The following DENR variants were observed in gnomAD, a reference collection of about 807,000 sequenced individuals.
DENR encodes density-regulated protein.
In DENR, 6 loss-of-function variants were observed where a neutral mutation model predicts 30.6. That is an observed-to-expected ratio of 0.20 (90% CI 0.11 to 0.39). DENR has a LOEUF of 0.39. Among genes scored for constraint, DENR ranks in the 10% least tolerant of loss-of-function variants. DENR has a pLI of 1.00. For missense variants in DENR, 141 were observed against 230.9 expected (o/e 0.61, Z 2.52); for synonymous variants, 78 against 72.1 (o/e 1.08, Z -0.41).
intron 2 of DENR, among the ~76,000 whole-genome samples, chr12:122,757,442 A>C (rs1878579944): frequency 6.6e-6 from 1 of 152,246 alleles, no homozygotes; most frequent in South Asian, 2.1e-4. Flanking sequence ...AGAATAAAGA[A>C]CCAACCAGTT....
chr12:122,762,108 T>C (rs1248103427), intron 2 of DENR, 79 bp from the exon 3 acceptor site: 2 of 949,416 alleles, frequency 2.1e-6, no homozygotes, highest in Non-Finnish European at 3.0e-6. Context: ...TTCTCAAATA[T>C]AAAAGTAAGG....
At chr12:122,766,405 C>G (rs1878851083) in intron 5 of DENR, among the ~76,000 whole-genome samples, 1 of 152,158 alleles carries the variant, frequency 6.6e-6, no homozygotes, top group South Asian at 2.1e-4. Flanking sequence ...TTCCAGGATT[C>G]TGTCCTAGGC....
chr12:122,754,011 A>C, intron 2 of DENR: 2 of 594,904 alleles, frequency 3.4e-6, no homozygotes, highest in Non-Finnish European at 6.1e-6. Context: ...CTGCCTGAAG[A>C]AGCTTACAGT....
intron 2 of DENR, among the ~76,000 whole-genome samples, chr12:122,761,413 GA>G (rs1281591419): frequency 2.8e-4 from 39 of 141,178 alleles, no homozygotes; most frequent in Middle Eastern, 3.6e-3. Context: ...CTCTGTCTCA[GA>G]AAAAAAAAAA....
At chr12:122,762,071 A>C in intron 2 of DENR, 116 bp from the exon 3 acceptor site, 1 of 667,422 alleles carries the variant, frequency 1.5e-6, no homozygotes, top group Non-Finnish European at 2.3e-6. Context: ...TAGAAAACTT[A>C]TAGGGAAAAT....
chr12:122,764,239 G>A (rs1878784409), intron 4 of DENR, among the ~76,000 whole-genome samples: 1 of 152,164 alleles, frequency 6.6e-6, no homozygotes, highest in Non-Finnish European at 1.5e-5. Context: ...GCTCTTGGAG[G>A]AGTTTAAGCA....
chr12:122,766,472 TCTG>T (rs1394506598), intron 5 of DENR, among the ~76,000 whole-genome samples: 2 of 152,226 alleles, frequency 1.3e-5, no homozygotes, highest in East Asian at 1.9e-4. Flanking sequence ...ATCCCTAACT[TCTG>T]CTGCCCAGTA....
At chr12:122,760,914 A>G (rs1878681733) in intron 2 of DENR, among the ~76,000 whole-genome samples, 1 of 152,144 alleles carries the variant, frequency 6.6e-6, no homozygotes, top group Admixed American at 6.6e-5. Flanking sequence ...GCATAACATG[A>G]AAAAGCCTTG....
At chr12:122,767,312 T>C (rs1878876198) in intron 5 of DENR, among the ~76,000 whole-genome samples, 176 bp from the exon 6 acceptor site, 1 of 152,256 alleles carries the variant, frequency 6.6e-6, no homozygotes, top group South Asian at 2.1e-4. Context: ...CTTAGCCCAG[T>C]GCTAGGCACA....
rs535879853 is a variant in DENR, at chr12:122,757,375, T to C, written c.106+3568T>C. On this transcript the variant is annotated intron_variant, in intron 2 of 7. Coordinates refer to ENST00000280557, the MANE Select transcript of DENR (RefSeq NM_003677.5). ...AGCTTAACTGGGAAGACAAACATTT[T>C]AACAGGTGAGTTATAATGTACTAAT... 2.0e-5 allele frequency among the ~76,000 whole-genome samples: 3 copies of C among 152,330 alleles called. No individual in the cohort carries two copies. The South Asian group carries it at 6.2e-4, about 32-fold the overall frequency.
At position 122,761,413 on chromosome 12, in the gene DENR, G is replaced by GA. The variant is rs1281591419; in HGVS notation, c.107-763dup. Reference sequence around the variant, plus strand: ...GCAGAAAGAGCAAGACTCTGTCTCAGAAAAAAAAAAAGGAAAAATATATTG... The same window carrying GA: ...GCAGAAAGAGCAAGACTCTGTCTCAGAAAAAAAAAAAAGGAAAAATATATTG... On this transcript the variant is annotated intron_variant, in intron 2 of 7. Coordinates refer to ENST00000280557, the MANE Select transcript of DENR (RefSeq NM_003677.5). Among the ~76,000 whole-genome samples the GA allele has an allele frequency of 4.3e-4, 61 of 141,154 alleles. No individual in the cohort carries two copies. The Middle Eastern group carries it at 0.018, about 42-fold the overall frequency. 92.6% of individuals were successfully genotyped at this position (141,154 alleles called of 152,430 possible).
At chr12:122,768,589 C>T (rs1201692892) in intron 6 of DENR, among the ~76,000 whole-genome samples, 193 bp from the exon 7 acceptor site, 2 of 151,818 alleles carry the variant, frequency 1.3e-5, no homozygotes, top group African/African-American at 2.4e-5. Context: ...ATGTATTGAG[C>T]CTTTATTTGA....
At chr12:122,758,244 G>T (rs1292710449) in intron 2 of DENR, among the ~76,000 whole-genome samples, 1 of 152,100 alleles carries the variant, frequency 6.6e-6, no homozygotes, top group African/African-American at 2.4e-5. Context: ...GCTGATTTTT[G>T]TATTTTTAGT....
intron 2 of DENR, among the ~76,000 whole-genome samples, chr12:122,758,332 A>G (rs1420575063): frequency 6.6e-6 from 1 of 152,034 alleles, no homozygotes; most frequent in African/African-American, 2.4e-5. Context: ...GGCCTCCCAA[A>G]GTGTTGGGAT....
At chr12:122,762,823 C>A in intron 3 of DENR, 22 bp from the exon 4 acceptor site, 1 of 1,446,802 alleles carries the variant, frequency 6.9e-7, no homozygotes, top group South Asian at 1.3e-5. Context: ...TGTTGTGACT[C>A]AGTTCTTTTT....
intron 5 of DENR, 92 bp downstream of exon 5, chr12:122,765,479 C>T (rs990824299): frequency 1.7e-5 from 20 of 1,146,584 alleles, no homozygotes; most frequent in African/African-American, 4.7e-5. Context: ...AAGCTAGGCA[C>T]AATGGTGGGC....
chr12:122,755,553 C>T (rs1163129998), intron 2 of DENR, among the ~76,000 whole-genome samples: 5 of 152,088 alleles, frequency 3.3e-5, no homozygotes, highest in Admixed American at 2.6e-4. Context: ...CACTCCCACC[C>T]GGGCAACAGT....
At position 122,769,381 on chromosome 12, in the gene DENR, T is replaced by C; in HGVS notation, c.*303T>C. 1.0e-6 allele frequency: 1 copy of C among 988,848 alleles called. No individual in the cohort carries two copies. The highest frequency in any genetic ancestry group is 1.2e-6 in the Non-Finnish European group (1 of 832,106). The allele number at this position is 988,848 out of a possible 1,614,324, so 61.3% of individuals were successfully genotyped here. Reference sequence around the variant, plus strand: ...CTCGTCCTTGGCATTTTCACTGTTCTGTACAAGGCTGCTTGTTTTTTTATT... The same window carrying C: ...CTCGTCCTTGGCATTTTCACTGTTCCGTACAAGGCTGCTTGTTTTTTTATT... On this transcript the variant is annotated 3_prime_UTR_variant, in exon 8 of 8. Coordinates refer to ENST00000280557, the MANE Select transcript of DENR (RefSeq NM_003677.5).
At chr12:122,761,846 C>T (rs1309915121) in intron 2 of DENR, among the ~76,000 whole-genome samples, 1 of 152,186 alleles carries the variant, frequency 6.6e-6, no homozygotes, top group Non-Finnish European at 1.5e-5. Context: ...TTCCTTCAAA[C>T]TCTGATGTAT....
Sources: allele counts gnomAD v4.1 joint callset (sites outside exome capture counted in the v4.1 genomes callset), GRCh38; gene constraint gnomAD v4.1.1; transcripts MANE v1.5; gene names NCBI Gene and HGNC (gene_info 2026-07-23, HGNC 2026-07-21).